The following GRID1 variants were observed in gnomAD, a reference collection of about 807,000 sequenced individuals.
GRID1 encodes the protein glutamate receptor ionotropic, delta-1.
In GRID1, 28 loss-of-function variants were observed where a neutral mutation model predicts 98.0. The ratio of observed to expected loss-of-function variants is 0.29; its 90% CI spans 0.21 to 0.39. The LOEUF is 0.39. Among genes scored for constraint, GRID1 ranks in the 10% least tolerant of loss-of-function variants. The pLI, the probability that GRID1 is intolerant of heterozygous loss-of-function variation, is 1.00. For synonymous variants in GRID1, 553 were observed against 538.5 expected, an observed-to-expected ratio of 1.03 and a Z score of -0.37; for missense variants, 1,111 against 1,340.5, an observed-to-expected ratio of 0.83 and a Z score of 2.67.
chr10:86,127,233 A>G (rs985912743), intron 4 of GRID1, among the ~76,000 whole-genome samples: 1 of 152,130 alleles, frequency 6.6e-6, no homozygotes, highest in Admixed American at 6.5e-5. Flanking sequence ...AGGGGCAGAG[A>G]CCATGTCTTT....
At chr10:86,052,719 T>C (rs1242868849) in intron 4 of GRID1, among the ~76,000 whole-genome samples, 2 of 151,648 alleles carry the variant, frequency 1.3e-5, no homozygotes, top group Non-Finnish European at 2.9e-5. Context: ...GGAAAGGGAG[T>C]CAAACTCTGT....
chr10:85,635,254 G>C (rs954460024), intron 13 of GRID1, among the ~76,000 whole-genome samples: 7 of 152,090 alleles, frequency 4.6e-5, no homozygotes, highest in African/African-American at 1.7e-4. Context: ...GGCACAGTGG[G>C]GGCTTTCCTT....
intron 12 of GRID1, among the ~76,000 whole-genome samples, chr10:85,649,736 C>G (rs944213882): frequency 1.3e-5 from 2 of 152,216 alleles, no homozygotes; most frequent in South Asian, 2.1e-4. Context: ...AAGGCGCCCA[C>G]GGCCAGAGGC....
At chr10:85,795,141 T>G (rs1315511974) in intron 8 of GRID1, among the ~76,000 whole-genome samples, 2 of 152,194 alleles carry the variant, frequency 1.3e-5, no homozygotes, top group East Asian at 1.9e-4. Flanking sequence ...TACCTATGCT[T>G]TTGTTCAAAA....
chr10:86,276,571 T>C (rs889442904), intron 2 of GRID1, among the ~76,000 whole-genome samples: 1 of 151,896 alleles, frequency 6.6e-6, no homozygotes, highest in African/African-American at 2.4e-5. Context: ...GGCACAATCT[T>C]AGCTCACTGC....
chr10:85,665,577 G>A (rs534634433), intron 12 of GRID1, among the ~76,000 whole-genome samples: 30 of 152,212 alleles, frequency 2.0e-4, no homozygotes, highest in Admixed American at 6.5e-4. Flanking sequence ...TAGAGCAAAA[G>A]GAACATACCA....
At chr10:86,076,753 G>A (rs1843887994) in intron 4 of GRID1, among the ~76,000 whole-genome samples, 1 of 151,224 alleles carries the variant, frequency 6.6e-6, no homozygotes, top group Non-Finnish European at 1.5e-5. Flanking sequence ...GGCAGGATTG[G>A]TTCCTTCTGA....
At chr10:86,093,784 T>C (rs112997101) in intron 4 of GRID1, among the ~76,000 whole-genome samples, 2,107 of 152,224 alleles carry the variant, frequency 0.014, 52 homozygotes, top group African/African-American at 0.046. Context: ...ATTATTGGCA[T>C]CAATCCTTCT....
At chr10:86,025,171 C>T (rs1589341211) in intron 4 of GRID1, among the ~76,000 whole-genome samples, 1 of 152,218 alleles carries the variant, frequency 6.6e-6, no homozygotes, top group South Asian at 2.1e-4. Context: ...TCCTGGCCCC[C>T]TCTCACCAGC....
intron 4 of GRID1, among the ~76,000 whole-genome samples, chr10:86,006,946 T>C (rs1305233750): frequency 6.6e-6 from 1 of 152,022 alleles, no homozygotes; most frequent in Non-Finnish European, 1.5e-5. Context: ...ACTCCATGCC[T>C]ATAGAAGGGA....
intron 8 of GRID1, among the ~76,000 whole-genome samples, chr10:85,808,387 C>T (rs1842641443): frequency 6.6e-6 from 1 of 152,080 alleles, no homozygotes; most frequent in African/African-American, 2.4e-5. Flanking sequence ...AAAAAGAAGT[C>T]CAAAATATCT....
intron 5 of GRID1, among the ~76,000 whole-genome samples, chr10:85,882,207 C>T (rs1239236485): frequency 6.6e-6 from 1 of 152,126 alleles, no homozygotes; most frequent in East Asian, 1.9e-4. Context: ...TTGTGGAAGT[C>T]AGTGTGGCGA....
intron 12 of GRID1, among the ~76,000 whole-genome samples, chr10:85,708,113 TA>T (rs768805148): frequency 0.18 from 21,375 of 120,814 alleles, 1,676 homozygotes; most frequent in Middle Eastern, 0.23. Context: ...TAAAGTATAA[TA>T]AAAAAAAAAA....
intron 4 of GRID1, among the ~76,000 whole-genome samples, chr10:86,137,974 G>A (rs903315834): frequency 2.0e-5 from 3 of 152,048 alleles, no homozygotes; most frequent in African/African-American, 7.2e-5. Context: ...AATCAGAGAG[G>A]GCCAACAAGG....
Position 85,956,331 on chromosome 10 carries a change from C to A in GRID1, c.727-40092G>T, listed in dbSNP as rs939240687. Among the ~76,000 whole-genome samples the A allele has an allele frequency of 7.9e-5, 12 of 151,992 alleles. 1 individual carries two copies. Among genetic ancestry groups the A allele is most frequent in the Non-Finnish European group, 2.9e-5 (2 of 68,016 alleles). On this transcript the variant is annotated intron_variant, in intron 4 of 15. Transcript: ENST00000327946. ...TGGCTGTGCCAACTCCCTTTCTCAA[C>A]CCTTCCTATTCCAGCAAGCTTCTGC...
At position 86,083,248 on chromosome 10, in the gene GRID1, T is replaced by A. The variant is rs7912496; in HGVS notation, c.726+55571A>T. 2.6e-5 allele frequency among the ~76,000 whole-genome samples: 4 copies of A among 152,132 alleles called. No homozygotes were observed. The East Asian group carries it at 7.7e-4, about 29-fold the overall frequency. ...TCACTTATTGGGAGATGCCCTTTCT[T>A]AGAAGGGTACCAGGGCTCTCGTAGC... is the stretch of plus-strand genomic sequence containing the variant. On this transcript the variant is annotated intron_variant, in intron 4 of 15. Coordinates refer to ENST00000327946, the MANE Select transcript of GRID1 (RefSeq NM_017551.3).
Position 85,602,323 on chromosome 10 carries a change from C to T in GRID1, c.2980G>A (p.Gly994Arg). ...TCCAGAGCCTCTGGAAGGACGCCTCCAGGCACGGGCTGGAAGGACATGGGG... is the reference window on the plus strand; with the variant it reads ...TCCAGAGCCTCTGGAAGGACGCCTCTAGGCACGGGCTGGAAGGACATGGGG... The part of the protein sequence containing the change: ...PIPMSFQPVP[G>R]GVLPEALDTS... Residue 994 changes from glycine to arginine, a missense_variant, in exon 16 of 16, where the codon GGA becomes AGA. Gly to Arg is a moderately radical substitution (Grantham distance 125, BLOSUM62 -2). Coordinates refer to ENST00000327946, the MANE Select transcript of GRID1 (RefSeq NM_017551.3). The T allele has an allele frequency of 6.4e-7, 1 of 1,554,896 alleles. No homozygotes were observed. Among genetic ancestry groups the T allele is most frequent in the Non-Finnish European group, 8.7e-7 (1 of 1,149,416 alleles).
At chr10:85,822,018 C>T (rs908411438) in intron 8 of GRID1, among the ~76,000 whole-genome samples, 1 of 152,136 alleles carries the variant, frequency 6.6e-6, no homozygotes, top group African/African-American at 2.4e-5. Context: ...CTTCCTTACA[C>T]CTTATACAAA....
chr10:85,886,029 A>G (rs1841113168), intron 5 of GRID1, among the ~76,000 whole-genome samples: 1 of 152,074 alleles, frequency 6.6e-6, no homozygotes, highest in Non-Finnish European at 1.5e-5. Context: ...GGATACCCAG[A>G]ACCAGAGCTG....
Sources: gnomAD v4.1 joint callset for allele counts (sites outside exome capture counted in the v4.1 genomes callset) on GRCh38, gnomAD v4.1.1 for gene constraint, MANE v1.5 for transcripts, NCBI Gene and HGNC (gene_info 2026-07-23, HGNC 2026-07-21) for gene names.